GAS2: variants seen among roughly 807,000 people sequenced by gnomAD.
GAS2 encodes the protein growth arrest specific 2, also known as growth arrest-specific protein 2.
GAS2 carries 20 observed loss-of-function variants against 37.5 expected under a neutral mutation model. The ratio of observed to expected loss-of-function variants is 0.53; its 90% CI spans 0.37 to 0.77. The LOEUF is 0.77. Among genes scored for constraint, GAS2 ranks in the 30% least tolerant of loss-of-function variants. GAS2 has a pLI of 0.00. For synonymous variants in GAS2, 144 were observed against 132.2 expected, an observed-to-expected ratio of 1.09 and a Z score of -0.61; for missense variants, 336 against 373.4, an observed-to-expected ratio of 0.90 and a Z score of 0.82.
chr11:22,673,638 GC>G lies in GAS2; in HGVS notation c.-20-1211del, dbSNP rs373479237. Among the ~76,000 whole-genome samples, 525 of 152,286 alleles carry G rather than the reference GC, an allele frequency of 3.4e-3. 2 individuals are homozygous for G. The highest frequency in any genetic ancestry group is 0.012 in the African/African-American group (506 of 41,548). On this transcript the variant is annotated intron_variant, in intron 1 of 7. Transcript: ENST00000454584. ...TGCTATATTCTGTCCGGGCATGGTGGCTCAACGCCTGTAATCCCAGCATTTT... is the reference window on the plus strand; with the variant it reads ...TGCTATATTCTGTCCGGGCATGGTGGTCAACGCCTGTAATCCCAGCATTTT...
At chr11:22,766,246 T>G (rs1282168389) in intron 7 of GAS2, among the ~76,000 whole-genome samples, 4 of 151,934 alleles carry the variant, frequency 2.6e-5, no homozygotes, top group African/African-American at 9.7e-5. Flanking sequence ...CGGATTCTTT[T>G]TTTTTTTTTC....
At chr11:22,704,419 T>G (rs2134042691) in intron 3 of GAS2, among the ~76,000 whole-genome samples, 1 of 151,528 alleles carries the variant, frequency 6.6e-6, no homozygotes, top group Non-Finnish European at 1.5e-5. Context: ...ATCCTATAGT[T>G]ATAAAGTAGA....
At chr11:22,783,353 G>A (rs1373110651) in intron 7 of GAS2, among the ~76,000 whole-genome samples, 1 of 152,102 alleles carries the variant, frequency 6.6e-6, no homozygotes, top group Non-Finnish European at 1.5e-5. Flanking sequence ...ACTTTTATCA[G>A]AGGCATAACT....
chr11:22,634,762 C>T (rs1858798710), intron 1 of GAS2, among the ~76,000 whole-genome samples: 1 of 152,120 alleles, frequency 6.6e-6, no homozygotes, highest in African/African-American at 2.4e-5. Context: ...GTAGTGGGTA[C>T]CAGCAGAAGT....
At chr11:22,741,939 G>A (rs1853109732) in intron 5 of GAS2, among the ~76,000 whole-genome samples, 1 of 152,024 alleles carries the variant, frequency 6.6e-6, no homozygotes, top group Admixed American at 6.6e-5. Flanking sequence ...GATGTCTTTT[G>A]TTTGAAAACT....
intron 6 of GAS2, among the ~76,000 whole-genome samples, chr11:22,753,493 C>A (rs1043353108): frequency 1.3e-5 from 2 of 152,120 alleles, no homozygotes; most frequent in Admixed American, 6.6e-5. Flanking sequence ...ACTTTCCATA[C>A]AGACTTGTGA....
At chr11:22,759,991 T>G (rs576742835) in intron 7 of GAS2, among the ~76,000 whole-genome samples, 5 of 152,214 alleles carry the variant, frequency 3.3e-5, no homozygotes, top group Non-Finnish European at 5.9e-5. Flanking sequence ...ATGGCTATGT[T>G]CTACCTAAGT....
At chr11:22,701,745 C>G (rs1850854140) in intron 3 of GAS2, among the ~76,000 whole-genome samples, 1 of 152,074 alleles carries the variant, frequency 6.6e-6, no homozygotes, top group African/African-American at 2.4e-5. Flanking sequence ...AGGAAAATCA[C>G]TTGAACCTGG....
chr11:22,727,139 T>C (rs1312126805), intron 4 of GAS2, among the ~76,000 whole-genome samples: 2 of 151,996 alleles, frequency 1.3e-5, no homozygotes, highest in Non-Finnish European at 2.9e-5. Flanking sequence ...TACCACTCCA[T>C]ACACTAGGAT....
chr11:22,776,191 C>T (rs1855246042), intron 7 of GAS2, among the ~76,000 whole-genome samples: 1 of 152,112 alleles, frequency 6.6e-6, no homozygotes, highest in Admixed American at 6.5e-5. Context: ...TTTTTATGTT[C>T]TGGGAGTGGG....
intron 3 of GAS2, among the ~76,000 whole-genome samples, chr11:22,715,479 A>AAAAAAAAAAAAAAAAAAAAG (rs1554973679): frequency 6.9e-6 from 1 of 145,790 alleles, no homozygotes; most frequent in African/African-American, 2.5e-5. Context: ...AAAAAAAAAA[A>AAAAAAAAAAAAAAAAAAAAG]AAAAGAAAAG....
chr11:22,647,003 T>C (rs1413162839), intron 1 of GAS2, among the ~76,000 whole-genome samples: 4 of 151,800 alleles, frequency 2.6e-5, no homozygotes, highest in South Asian at 4.2e-4. Context: ...ACATGTGCCA[T>C]GCTGGTGCAC....
In GAS2 at chr11:22,749,087, A is replaced by G. The variant is rs1369923016; in HGVS notation, c.474-33A>G. On this transcript the variant is annotated intron_variant, in intron 5 of 7. Transcript: ENST00000454584. ...TATGGTAATTGTATCATTATAAGTT[A>G]TGCATATGTAATGATCCAGGGTCTT... 3.2e-6 allele frequency: 5 copies of G among 1,576,060 alleles called. No individual in the cohort carries two copies. The South Asian group carries it at 5.8e-5, about 18-fold the overall frequency.
chr11:22,774,714 G>A (rs555013663), intron 7 of GAS2, among the ~76,000 whole-genome samples: 1 of 151,978 alleles, frequency 6.6e-6, no homozygotes, highest in Admixed American at 6.5e-5. Flanking sequence ...CTTTCATGCA[G>A]TACATTTCTT....
intron 3 of GAS2, among the ~76,000 whole-genome samples, chr11:22,699,072 A>G (rs1363574454): frequency 2.6e-5 from 4 of 152,148 alleles, no homozygotes; most frequent in African/African-American, 9.7e-5. Context: ...CCCCTGTGTA[A>G]ATAGCATAGG....
intron 7 of GAS2, among the ~76,000 whole-genome samples, chr11:22,802,659 T>G (rs148152379): frequency 6.6e-6 from 1 of 152,030 alleles, no homozygotes; most frequent in Non-Finnish European, 1.5e-5. Flanking sequence ...GCTTTGCAAC[T>G]TATAGTGTTG....
intron 1 of GAS2, among the ~76,000 whole-genome samples, chr11:22,668,557 AAT>A (rs1849079176): frequency 1.3e-5 from 2 of 152,190 alleles, no homozygotes; most frequent in Non-Finnish European, 2.9e-5. Context: ...ATGGCAAAAA[AAT>A]ATTTCACCAG....
At chr11:22,789,291 T>C (rs1590132706) in intron 7 of GAS2, among the ~76,000 whole-genome samples, 1 of 101,540 alleles carries the variant, frequency 9.8e-6, no homozygotes, top group Non-Finnish European at 1.9e-5. Flanking sequence ...CATATATATA[T>C]ATATATATAT....
At position 22,755,871 on chromosome 11, in the gene GAS2, C is replaced by T. The variant is rs750063802; in HGVS notation, c.641C>T (p.Pro214Leu). 1.2e-6 allele frequency: 2 copies of T among 1,612,964 alleles called. No individual in the cohort carries two copies. Among genetic ancestry groups the T allele is most frequent in the South Asian group, 2.2e-5 (2 of 91,010 alleles). ...DAVKRISEDP[P>L]CKCPNKFCVE... ...GTGAAACGAATTTCTGAAGATCCTC[C>T]TTGCAAATGCCCAAACAAGTTCTGT... The change falls in exon 7 of 8, where the codon CCT becomes CTT. Residue 214 changes from proline to leucine, a missense_variant. Physicochemically the swap from Pro to Leu is moderately conservative, Grantham distance 98. Coordinates refer to ENST00000454584, the MANE Select transcript of GAS2 (RefSeq NM_001143830.3).
Sources: allele counts gnomAD v4.1 joint callset (sites outside exome capture counted in the v4.1 genomes callset), GRCh38; gene constraint gnomAD v4.1.1; transcripts MANE v1.5; gene names NCBI Gene and HGNC (gene_info 2026-07-23, HGNC 2026-07-21).